RB1CC1: variants seen among roughly 807,000 people sequenced by gnomAD.
RB1CC1 encodes the protein RB1 inducible coiled-coil 1.
A neutral mutation model predicts 177.5 loss-of-function variants in RB1CC1; 46 were observed. That is an observed-to-expected ratio of 0.26 (90% CI 0.20 to 0.33). RB1CC1 has a LOEUF of 0.33. Ranked by LOEUF, RB1CC1 falls within the 10% of genes least tolerant of loss-of-function variation. RB1CC1 has a pLI of 1.00. For missense variants in RB1CC1, 1,703 were observed against 1,816.3 expected (o/e 0.94, Z 1.13); for synonymous variants, 666 against 613.6 (o/e 1.09, Z -1.26).
Position 52,623,658 on chromosome 8 carries a change from G to A in RB1CC1, c.*124C>T, listed in dbSNP as rs151002737. 377 of 709,984 alleles carry A rather than the reference G, an allele frequency of 5.3e-4. No individual in the cohort carries two copies. The African/African-American group carries it at 6.0e-3, about 11-fold the overall frequency. 44.0% of individuals were successfully genotyped at this position (709,984 alleles called of 1,614,324 possible). A position where few individuals can be genotyped will look rare whatever the true frequency, so the allele number is the denominator to read the frequency against. ...GTTAAAAAGTAAACGATGTACACCAGTGAAGTATATTGTCACGCTGACTTT... is the reference window on the plus strand; with the variant it reads ...GTTAAAAAGTAAACGATGTACACCAATGAAGTATATTGTCACGCTGACTTT... On this transcript the variant is annotated 3_prime_UTR_variant, in exon 24 of 24. Coordinates refer to ENST00000025008, the MANE Select transcript of RB1CC1 (RefSeq NM_014781.5).
chr8:52,712,608 A>G (rs963062112), intron 1 of RB1CC1, among the ~76,000 whole-genome samples: 10 of 152,070 alleles, frequency 6.6e-5, no homozygotes, highest in African/African-American at 2.4e-4. Context: ...TATCTTGATT[A>G]CCATAAAAAG....
chr8:52,658,454 G>A (rs1851278938), intron 13 of RB1CC1, among the ~76,000 whole-genome samples: 1 of 151,858 alleles, frequency 6.6e-6, no homozygotes, highest in Admixed American at 6.6e-5. Flanking sequence ...GTGGGCTCCT[G>A]TAATCCCAGC....
At chr8:52,625,076 A>C (rs1848287417) in intron 22 of RB1CC1, among the ~76,000 whole-genome samples, 1 of 152,168 alleles carries the variant, frequency 6.6e-6, no homozygotes, top group Non-Finnish European at 1.5e-5. Context: ...AATACAAATC[A>C]TGAACAAATA....
chr8:52,646,083 T>C (rs1764009757), intron 15 of RB1CC1, among the ~76,000 whole-genome samples: 1 of 152,192 alleles, frequency 6.6e-6, no homozygotes, highest in Non-Finnish European at 1.5e-5. Context: ...CTGATTTTTA[T>C]CAGTATAGCA....
rs35132848 is a variant in RB1CC1, at chr8:52,635,983, A to G, written c.4392+32T>C. 363 of 1,602,640 alleles carry G rather than the reference A, an allele frequency of 2.3e-4. 2 individuals are homozygous for G. The African/African-American group carries it at 4.2e-3, about 18-fold the overall frequency. On this transcript the variant is annotated intron_variant, in intron 19 of 23. Coordinates refer to ENST00000025008, the MANE Select transcript of RB1CC1 (RefSeq NM_014781.5). ...ACTGTATCCAAAAGTGAACATATTA[A>G]ACATGGTACTTCAAGAAGATAATTT...
Position 52,656,884 on chromosome 8 carries a change from G to A in RB1CC1, c.2945C>T (p.Ser982Phe). ...KLQLLRAELQSLEQSHLKELE... is the reference protein window; with the variant it reads ...KLQLLRAELQFLEQSHLKELE... Reference sequence around the variant, plus strand: ...TTCCTTTAGATGACTTTGCTCCAAGGACTGAAGTTCTGCCCTCAATAACTG... The same window carrying A: ...TTCCTTTAGATGACTTTGCTCCAAGAACTGAAGTTCTGCCCTCAATAACTG... The change falls in exon 15 of 24, where the codon TCC becomes TTC. Residue 982 changes from serine to phenylalanine, a missense_variant. Around this residue, in one of 6 missense-constraint regions of RB1CC1, gnomAD observed 1,169 missense variants for 1,184.7 expected, o/e 0.99. Coordinates refer to ENST00000025008, the MANE Select transcript of RB1CC1 (RefSeq NM_014781.5). 6.2e-7 allele frequency: 1 copy of A among 1,613,170 alleles called. No homozygotes were observed. Among genetic ancestry groups the A allele is most frequent in the South Asian group, 1.1e-5 (1 of 91,066 alleles).
intron 16 of RB1CC1, 72 bp from the exon 17 acceptor site, chr8:52,642,884 CA>C: frequency 7.3e-7 from 1 of 1,362,460 alleles, no homozygotes; most frequent in East Asian, 2.7e-5. Context: ...AATACACTTG[CA>C]AATATTCTTT....
At chr8:52,632,301 TTTA>T (rs1392344416) in intron 20 of RB1CC1, among the ~76,000 whole-genome samples, 34 of 152,320 alleles carry the variant, frequency 2.2e-4, no homozygotes, top group Middle Eastern at 3.4e-3. Flanking sequence ...GGATATTTTG[TTTA>T]TTAAGTCAAA....
chr8:52,644,085 G>C (rs1482184535), intron 16 of RB1CC1, among the ~76,000 whole-genome samples: 2 of 151,926 alleles, frequency 1.3e-5, no homozygotes, highest in East Asian at 3.9e-4. Context: ...AAACCATTAT[G>C]TTTATTTTCA....
chr8:52,686,472 G>A lies in RB1CC1; in HGVS notation c.-52+381C>T, dbSNP rs921771216. Among the ~76,000 whole-genome samples the A allele has an allele frequency of 4.6e-5, 7 of 152,320 alleles. No individual in the cohort carries two copies. In the South Asian group the frequency reaches 1.4e-3, roughly 32 times the overall value. On this transcript the variant is annotated intron_variant, in intron 2 of 23. Transcript: ENST00000025008. ...GAGGCAGGAGGATGGCTTGAGCCAAGGAGTTCAAGACTGCAGTGAGCTACG... is the reference window on the plus strand; with the variant it reads ...GAGGCAGGAGGATGGCTTGAGCCAAAGAGTTCAAGACTGCAGTGAGCTACG...
intron 1 of RB1CC1, among the ~76,000 whole-genome samples, chr8:52,692,995 A>C (rs186119790): frequency 1.3e-5 from 2 of 152,348 alleles, no homozygotes; most frequent in East Asian, 3.9e-4. Context: ...CTGATCTTCC[A>C]CAAACCTGAC....
rs894401382 is a variant in RB1CC1 at position 52,632,043 on chromosome 8, T to C, written c.4441-1515A>G. On this transcript the variant is annotated intron_variant, in intron 20 of 23. Transcript: ENST00000025008. ...AATCACGAAACAATGAATTTTGTGATAGCCACCCACTTCCTCTACTGATGA... is the reference window on the plus strand; with the variant it reads ...AATCACGAAACAATGAATTTTGTGACAGCCACCCACTTCCTCTACTGATGA... 9.2e-5 allele frequency among the ~76,000 whole-genome samples: 14 copies of C among 152,304 alleles called. 1 individual carries two copies. In the South Asian group the frequency reaches 2.9e-3, roughly 32 times the overall value.
At chr8:52,666,100 A>G (rs1482120501) in intron 8 of RB1CC1, among the ~76,000 whole-genome samples, 1 of 152,222 alleles carries the variant, frequency 6.6e-6, no homozygotes, top group African/African-American at 2.4e-5. Context: ...CACATACCAA[A>G]AGCAAACATA....
At chr8:52,649,314 C>T (rs905549663) in intron 15 of RB1CC1, among the ~76,000 whole-genome samples, 3 of 152,120 alleles carry the variant, frequency 2.0e-5, no homozygotes, top group African/African-American at 7.2e-5. Context: ...CAGCTGGGAA[C>T]TTTAGTATCA....
intron 5 of RB1CC1, among the ~76,000 whole-genome samples, chr8:52,676,866 G>C (rs1194749230): frequency 6.6e-6 from 1 of 152,168 alleles, no homozygotes; most frequent in East Asian, 1.9e-4. Flanking sequence ...ATCAACATCT[G>C]CCATCTCAAA....
chr8:52,685,403 G>T lies in RB1CC1; in HGVS notation c.67C>A (p.Gln23Lys), dbSNP rs994786619. Residue 23 changes from glutamine to lysine, a missense_variant, in exon 3 of 24, where the codon CAA becomes AAA. Gln to Lys is a moderately conservative substitution (Grantham distance 53, BLOSUM62 1). Transcript: ENST00000025008. ...TLTFDTELTV[Q>K]TVADLKHAIQ... ...AATAAATGAAATACAACTCACGTTT[G>T]CACTGTAAGTTCAGTGTCAAATGTT... The T allele has an allele frequency of 3.2e-6, 5 of 1,586,032 alleles. No homozygotes were observed. The highest frequency in any genetic ancestry group is 4.3e-6 in the Non-Finnish European group (5 of 1,159,748).
intron 15 of RB1CC1, among the ~76,000 whole-genome samples, chr8:52,654,591 T>C (rs1445084968): frequency 6.6e-6 from 1 of 152,162 alleles, no homozygotes; most frequent in Non-Finnish European, 1.5e-5. Flanking sequence ...AGCCTCTGTT[T>C]TCCTCTTATT....
intron 18 of RB1CC1, among the ~76,000 whole-genome samples, chr8:52,638,266 C>A (rs10097108): frequency 0.27 from 41,744 of 151,952 alleles, 6,129 homozygotes; most frequent in African/African-American, 0.38. Flanking sequence ...TTTCATTCTA[C>A]TGATATAGTG....
chr8:52,626,427 TATC>T (rs1217115703), intron 22 of RB1CC1, among the ~76,000 whole-genome samples: 3 of 152,110 alleles, frequency 2.0e-5, no homozygotes, highest in Non-Finnish European at 1.5e-5. Context: ...AGATGTAACT[TATC>T]ATCATACGGT....
Sources: gnomAD v4.1 joint callset for allele counts (sites outside exome capture counted in the v4.1 genomes callset) on GRCh38, gnomAD v4.1.1 for gene constraint, gnomAD v4.1.1 regional missense constraint, MANE v1.5 for transcripts, NCBI Gene and HGNC (gene_info 2026-07-23, HGNC 2026-07-21) for gene names.